RREB1: variants seen among roughly 807,000 people sequenced by gnomAD.
The protein encoded by RREB1 is ras responsive element binding protein 1, also known as ras-responsive element-binding protein 1.
Under a neutral mutation model 117.8 loss-of-function variants are expected in RREB1, and 27 were observed. That is an observed-to-expected ratio of 0.23 (90% confidence interval 0.17 to 0.32). The LOEUF (loss-of-function observed/expected upper bound fraction) is 0.32. Among genes scored for constraint, RREB1 ranks in the 10% least tolerant of loss-of-function variants. The pLI is 1.00. For synonymous variants in RREB1, 1,298 were observed against 1,026.7 expected (o/e 1.26, Z -5.05); for missense variants, 2,577 against 2,378.2 (o/e 1.08, Z -1.74).
intron 1 of RREB1, among the ~76,000 whole-genome samples, chr6:7,128,416 G>A (rs760810603): frequency 5.3e-5 from 8 of 152,066 alleles, no homozygotes; most frequent in Non-Finnish European, 7.4e-5. Flanking sequence ...TAGTGGGTTC[G>A]ACCAGGGCAC....
intron 3 of RREB1, 59 bp downstream of exon 3, chr6:7,181,305 TA>T (rs1014632456): frequency 1.5e-5 from 6 of 399,826 alleles, no homozygotes; most frequent in African/African-American, 1.2e-4. Flanking sequence ...TTACCTGCTT[TA>T]TACATATTTT....
At chr6:7,153,708 T>G (rs1048684838) in intron 1 of RREB1, among the ~76,000 whole-genome samples, 4 of 152,176 alleles carry the variant, frequency 2.6e-5, no homozygotes, top group African/African-American at 7.2e-5. Context: ...GATGTGGGCA[T>G]CCTCTTTATA....
At chr6:7,220,527 A>G (rs1252643659) in intron 8 of RREB1, among the ~76,000 whole-genome samples, 9 of 152,370 alleles carry the variant, frequency 5.9e-5, no homozygotes, top group South Asian at 2.1e-4. Flanking sequence ...TAAATTCTAC[A>G]AAGAGATACA....
chr6:7,164,619 T>A lies in RREB1; in HGVS notation c.-284-12036T>A, dbSNP rs142851078. Among the ~76,000 whole-genome samples the A allele has an allele frequency of 1.3e-3, 193 of 152,272 alleles. 1 individual carries two copies. Among genetic ancestry groups the A allele is most frequent in the Non-Finnish European group, 2.0e-3 (139 of 68,014 alleles). On this transcript the variant is annotated intron_variant, in intron 1 of 12. Coordinates refer to ENST00000379938, the MANE Select transcript of RREB1 (RefSeq NM_001003699.4). ...AAGCACAGTCTCACAACCCTCTTGATTGATGCACAAAAGAGTGGATTTTGC... is the reference window on the plus strand; with the variant it reads ...AAGCACAGTCTCACAACCCTCTTGAATGATGCACAAAAGAGTGGATTTTGC...
At chr6:7,117,191 A>G (rs1761437952) in intron 1 of RREB1, among the ~76,000 whole-genome samples, 1 of 152,090 alleles carries the variant, frequency 6.6e-6, no homozygotes, top group African/African-American at 2.4e-5. Flanking sequence ...AAAAATAATC[A>G]TTTTCACTGT....
At chr6:7,173,604 C>G (rs1037610069) in intron 1 of RREB1, among the ~76,000 whole-genome samples, 1 of 151,900 alleles carries the variant, frequency 6.6e-6, no homozygotes, top group African/African-American at 2.4e-5. Context: ...CAAGACCCAC[C>G]TGGGCAACAT....
intron 4 of RREB1, among the ~76,000 whole-genome samples, chr6:7,186,652 A>G (rs1765096695): frequency 6.6e-6 from 1 of 152,190 alleles, no homozygotes; most frequent in Non-Finnish European, 1.5e-5. Context: ...GAGGATCTGT[A>G]GCATAGGGTT....
intron 6 of RREB1, among the ~76,000 whole-genome samples, chr6:7,191,960 G>T (rs1386100141): frequency 6.6e-6 from 1 of 151,970 alleles, no homozygotes; most frequent in Admixed American, 6.6e-5. Flanking sequence ...TTTTGTTTGT[G>T]ATCTTAAGGA....
chr6:7,227,878 C>A (rs1383873948), intron 9 of RREB1, among the ~76,000 whole-genome samples: 1 of 152,136 alleles, frequency 6.6e-6, no homozygotes, highest in African/African-American at 2.4e-5. Context: ...CCAGCCTGGC[C>A]AACACAGTGA....
At chr6:7,209,073 C>G (rs763101646) in intron 6 of RREB1, among the ~76,000 whole-genome samples, 24 of 152,140 alleles carry the variant, frequency 1.6e-4, no homozygotes, top group Non-Finnish European at 2.1e-4. Context: ...CCCAGTCCCT[C>G]CTTTATGAAA....
At chr6:7,197,791 T>C (rs1375626312) in intron 6 of RREB1, among the ~76,000 whole-genome samples, 1 of 152,216 alleles carries the variant, frequency 6.6e-6, no homozygotes, top group African/African-American at 2.4e-5. Context: ...ACATAGGCCC[T>C]GAGGATGCCC....
Position 7,211,657 on chromosome 6 carries a change from T to G in RREB1, c.655T>G (p.Cys219Gly), listed in dbSNP as rs773263478. The G allele has an allele frequency of 6.2e-7, 1 of 1,614,122 alleles. No individual in the cohort carries two copies. Among genetic ancestry groups the G allele is most frequent in the Non-Finnish European group, 8.5e-7 (1 of 1,179,976 alleles). The change falls in exon 8 of 13, where the codon TGC (cysteine) becomes GGC (glycine). Residue 219 changes from cysteine to glycine, a missense_variant. Physicochemically the swap from Cys to Gly is radical, Grantham distance 159 (BLOSUM62 -3). Transcript: ENST00000379938. The part of the protein sequence containing the change: ...HCPVCFKEFV[C>G]KYGLETHMET... The stretch of plus-strand genomic sequence containing the variant: ...CCCAGTATGTTTCAAGGAGTTTGTT[T>G]GCAAGTATGGACTGGAGACCCACAT...
At chr6:7,133,457 C>T (rs1370483721) in intron 1 of RREB1, among the ~76,000 whole-genome samples, 2 of 152,112 alleles carry the variant, frequency 1.3e-5, no homozygotes, top group South Asian at 2.1e-4. Flanking sequence ...CACCATGGCA[C>T]ACCCGGGAAG....
At position 7,229,858 on chromosome 6, in the gene RREB1, C is replaced by T; in HGVS notation, c.1759C>T (p.Pro587Ser). The T allele has an allele frequency of 6.2e-7, 1 of 1,610,444 alleles. No individual in the cohort carries two copies. Among genetic ancestry groups the T allele is most frequent in the Middle Eastern group, 1.7e-4 (1 of 6,050 alleles). Residue 587 changes from proline to serine, a missense_variant, in exon 10 of 13, where the codon CCG (proline) becomes TCG (serine). Physicochemically the swap from Pro to Ser is moderately conservative, Grantham distance 74. Transcript: ENST00000379938. The surrounding 1 kb of genome is among the most constrained non-coding windows in gnomAD (Gnocchi z 4.5). ...CCTGCAGCAGCCGCGGGCGGAGCTG[C>T]CGGGCCAGCCTGAGATGAAGACGCA... The part of the protein sequence containing the change: ...LSLQQPRAEL[P>S]GQPEMKTQLE...
intron 8 of RREB1, among the ~76,000 whole-genome samples, chr6:7,222,209 T>C (rs567977887): frequency 6.6e-6 from 1 of 152,360 alleles, no homozygotes; most frequent in East Asian, 1.9e-4. Context: ...TATCTAACTA[T>C]AAGAATCCGC....
Position 7,230,816 on chromosome 6 carries a change from G to T in RREB1, c.2717G>T (p.Gly906Val), listed in dbSNP as rs768421497. 2 of 1,614,234 alleles carry T rather than the reference G, an allele frequency of 1.2e-6. No individual in the cohort carries two copies. The highest frequency in any genetic ancestry group is 8.5e-7 in the Non-Finnish European group (1 of 1,180,038). The change falls in exon 10 of 13, where the codon GGC becomes GTC. Residue 906 changes from glycine (G) to valine (V), a missense_variant. Gly to Val is a moderately radical substitution (Grantham distance 109). Transcript: ENST00000379938. ...FNEPLDFSQK[G>V]LALVQVKQEN... is the part of the protein sequence containing the mutation. ...GAGCCCCTGGACTTCTCGCAGAAGG[G>T]CCTGGCCCTGGTCCAAGTGAAGCAG...
Position 7,230,785 on chromosome 6 carries a change from T to G in RREB1, c.2686T>G (p.Phe896Val). 6.2e-7 allele frequency: 1 copy of G among 1,613,516 alleles called. No homozygotes were observed. Among genetic ancestry groups the G allele is most frequent in the Non-Finnish European group, 8.5e-7 (1 of 1,179,592 alleles). The change falls in exon 10 of 13, where the codon TTC becomes GTC. Residue 896 changes from phenylalanine to valine, a missense_variant. Phe to Val is a conservative substitution (Grantham distance 50, BLOSUM62 -1). Transcript: ENST00000379938. ...LEPASSFAVD[F>V]NEPLDFSQKG... ...GCCCGCCAGTAGCTTTGCGGTGGAC[T>G]TCAATGAGCCCCTGGACTTCTCGCA...
At chr6:7,176,403 C>A (rs957981522) in intron 1 of RREB1, among the ~76,000 whole-genome samples, 1 of 152,140 alleles carries the variant, frequency 6.6e-6, no homozygotes, top group Non-Finnish European at 1.5e-5. Context: ...CTGCCCTTGA[C>A]GTTATTGGAA....
chr6:7,241,686 A>T (rs1388726911), intron 11 of RREB1, among the ~76,000 whole-genome samples: 1 of 152,092 alleles, frequency 6.6e-6, no homozygotes, highest in Non-Finnish European at 1.5e-5. Context: ...GGTGTATCTG[A>T]AGTGGAGAGG....
Sources: allele counts gnomAD v4.1 joint callset (sites outside exome capture counted in the v4.1 genomes callset), GRCh38; gene constraint gnomAD v4.1.1; non-coding constraint Gnocchi (gnomAD v3.1); transcripts MANE v1.5; gene names NCBI Gene and HGNC (gene_info 2026-07-23, HGNC 2026-07-21).